Variants in DOCK1 observed in about 807,000 individuals in gnomAD.
The protein encoded by DOCK1 is dedicator of cytokinesis protein 1.
DOCK1 carries 138 observed loss-of-function variants against 262.7 expected under a neutral mutation model. The ratio of observed to expected loss-of-function variants is 0.53; its 90% CI spans 0.46 to 0.61. The LOEUF (loss-of-function observed/expected upper bound fraction) is 0.61. Among genes scored for constraint, DOCK1 ranks in the 20% least tolerant of loss-of-function variants. DOCK1 has a pLI of 0.00. For missense variants in DOCK1, 1,908 were observed against 2,370.7 expected (o/e 0.80, Z 4.05); for synonymous variants, 866 against 867.4 (o/e 1.00, Z 0.03).
At chr10:127,261,486 C>T (rs1186216305) in intron 29 of DOCK1, among the ~76,000 whole-genome samples, 2 of 125,622 alleles carry the variant, frequency 1.6e-5, no homozygotes, top group African/African-American at 6.4e-5. Flanking sequence ...TACCCGTGCT[C>T]ATCTGTGTGT....
intron 2 of DOCK1, among the ~76,000 whole-genome samples, chr10:126,973,248 A>G (rs2038251858): frequency 7.2e-6 from 1 of 139,216 alleles, no homozygotes; most frequent in Non-Finnish European, 1.5e-5. Context: ...TTTTTTTTTG[A>G]GATGGAGGCT....
At chr10:127,300,919 G>A (rs1044245347) in intron 29 of DOCK1, among the ~76,000 whole-genome samples, 6 of 152,172 alleles carry the variant, frequency 3.9e-5, no homozygotes, top group Admixed American at 6.5e-5. Context: ...CCACGAGGCC[G>A]GCAGCCGGGA....
chr10:126,911,908 G>T (rs1446597070), intron 1 of DOCK1, among the ~76,000 whole-genome samples: 1 of 152,170 alleles, frequency 6.6e-6, no homozygotes, highest in Non-Finnish European at 1.5e-5. Flanking sequence ...TCACAGTGTG[G>T]AATTTGTGTG....
At position 127,272,416 on chromosome 10, in the gene DOCK1, A is replaced by T. The variant is rs1294920217; in HGVS notation, c.3044+14987A>T. On this transcript the variant is annotated intron_variant, in intron 29 of 51. Transcript: ENST00000623213. ...CCGGCTCCATGTCATGGACACACAG[A>T]GTCCTAGGAAGAGATAGATTCTGCT... Among the ~76,000 whole-genome samples the T allele has an allele frequency of 3.9e-5, 6 of 152,188 alleles. No individual in the cohort carries two copies. The East Asian group carries it at 7.7e-4, about 20-fold the overall frequency.
intron 28 of DOCK1, among the ~76,000 whole-genome samples, 180 bp downstream of exon 28, chr10:127,248,289 C>T (rs759702911): frequency 3.3e-5 from 5 of 152,138 alleles, no homozygotes; most frequent in Non-Finnish European, 7.4e-5. Context: ...GACAAGGGTC[C>T]GGACTTGCAG....
At chr10:127,042,169 T>C (rs2044061080) in intron 19 of DOCK1, among the ~76,000 whole-genome samples, 1 of 152,328 alleles carries the variant, frequency 6.6e-6, no homozygotes, top group Non-Finnish European at 1.5e-5. Flanking sequence ...ATCACGATCC[T>C]CTTCCATGCC....
chr10:127,031,516 T>A, intron 16 of DOCK1, 134 bp from the exon 17 acceptor site: 1 of 610,532 alleles, frequency 1.6e-6, no homozygotes, highest in Non-Finnish European at 2.7e-6. Context: ...CATATATTTA[T>A]TAGATTAGCT....
intron 29 of DOCK1, among the ~76,000 whole-genome samples, chr10:127,302,582 C>G (rs550137429): frequency 3.9e-5 from 6 of 152,274 alleles, no homozygotes; most frequent in African/African-American, 1.4e-4. Context: ...GCCTAGAAAT[C>G]GTAGCTCAGG....
intron 38 of DOCK1, among the ~76,000 whole-genome samples, chr10:127,387,951 T>A (rs1332800202): frequency 3.3e-5 from 5 of 152,078 alleles, no homozygotes; most frequent in African/African-American, 1.2e-4. Flanking sequence ...ACGAATGTGT[T>A]CGGTTCAGTA....
At chr10:127,402,967 G>T in intron 38 of DOCK1, 88 bp from the exon 39 acceptor site, 2 of 1,194,264 alleles carry the variant, frequency 1.7e-6, no homozygotes, top group Non-Finnish European at 2.4e-6. Flanking sequence ...CTTCTACACT[G>T]TTTTATTTTG....
intron 29 of DOCK1, among the ~76,000 whole-genome samples, chr10:127,283,628 A>G (rs2061042678): frequency 6.6e-6 from 1 of 152,216 alleles, no homozygotes; most frequent in South Asian, 2.1e-4. Context: ...TTTCATAATC[A>G]TGGTGTAATA....
At chr10:127,243,948 ATATT>A (rs1227244074) in intron 27 of DOCK1, among the ~76,000 whole-genome samples, 1 of 152,066 alleles carries the variant, frequency 6.6e-6, no homozygotes, top group African/African-American at 2.4e-5. Context: ...CTTGTACTAT[ATATT>A]CTTTATATTG....
intron 29 of DOCK1, among the ~76,000 whole-genome samples, chr10:127,328,777 T>C (rs1167401492): frequency 6.6e-6 from 1 of 152,050 alleles, no homozygotes; most frequent in Non-Finnish European, 1.5e-5. Flanking sequence ...AGGTTAGAGA[T>C]TCTTATTCCC....
chr10:127,324,278 C>G (rs2062663792), intron 29 of DOCK1, among the ~76,000 whole-genome samples: 1 of 152,230 alleles, frequency 6.6e-6, no homozygotes, highest in African/African-American at 2.4e-5. Context: ...TCCTGGGAAA[C>G]ATGAAGTGGC....
intron 6 of DOCK1, among the ~76,000 whole-genome samples, chr10:126,991,854 G>T (rs2039812537): frequency 6.6e-6 from 1 of 152,122 alleles, no homozygotes; most frequent in South Asian, 2.1e-4. Flanking sequence ...TAAAAATAGA[G>T]TTGGGTTGTG....
rs1166445414 is a variant in DOCK1 at position 126,934,747 on chromosome 10, G to GTTTT, written c.46+29205_46+29208dup. Among the ~76,000 whole-genome samples, 86 of 107,452 alleles carry GTTTT rather than the reference G, an allele frequency of 8.0e-4. 1 individual carries two copies. The highest frequency in any genetic ancestry group is 2.6e-3 in the African/African-American group (65 of 24,680). The allele number at this position is 107,452 out of a possible 152,430, so 70.5% of individuals were successfully genotyped here. A position where few individuals can be genotyped will look rare whatever the true frequency, so the allele number is the denominator to read the frequency against. Reference sequence around the variant, plus strand: ...GTCACAGCCTATTTGGAATTTACGAGTTTTTTTTTTTTTTTTTTTTTTTTG... The same window carrying GTTTT: ...GTCACAGCCTATTTGGAATTTACGAGTTTTTTTTTTTTTTTTTTTTTTTTTTTTG... On this transcript the variant is annotated intron_variant, in intron 1 of 51. Transcript: ENST00000623213.
At chr10:127,210,814 C>G (rs1402623395) in intron 27 of DOCK1, among the ~76,000 whole-genome samples, 1 of 152,146 alleles carries the variant, frequency 6.6e-6, no homozygotes, top group Non-Finnish European at 1.5e-5. Context: ...CTGCATTGTT[C>G]TAGGTGTCAC....
chr10:127,030,393 G>A (rs1421523516), intron 16 of DOCK1, among the ~76,000 whole-genome samples: 1 of 152,138 alleles, frequency 6.6e-6, no homozygotes, highest in Non-Finnish European at 1.5e-5. Context: ...TCTGTCACCA[G>A]CCACACTGGA....
At chr10:126,961,330 G>C (rs1315097017) in intron 1 of DOCK1, among the ~76,000 whole-genome samples, 1 of 152,180 alleles carries the variant, frequency 6.6e-6, no homozygotes, top group Admixed American at 6.5e-5. Flanking sequence ...GCTCACACCT[G>C]TAATCCCAGC....
Sources: allele counts gnomAD v4.1 joint callset (sites outside exome capture counted in the v4.1 genomes callset), GRCh38; gene constraint gnomAD v4.1.1; transcripts MANE v1.5; gene names NCBI Gene and HGNC (gene_info 2026-07-23, HGNC 2026-07-21).